The following EBF1 variants were observed in gnomAD, a reference collection of about 807,000 sequenced individuals.
EBF1 encodes EBF transcription factor 1.
EBF1 carries 10 observed loss-of-function variants against 68.4 expected under a neutral mutation model. The observed-to-expected ratio is 0.15, with a 90% CI of 0.09 to 0.25. The LOEUF is 0.25. EBF1 is among the 10% of genes least tolerant of loss of function. The pLI is 1.00. For synonymous variants in EBF1, 298 were observed against 299.8 expected, an observed-to-expected ratio of 0.99 and a Z score of 0.06; for missense variants, 509 against 794.4, an observed-to-expected ratio of 0.64 and a Z score of 4.32.
chr5:158,956,980 G>A (rs764085697), intron 6 of EBF1, among the ~76,000 whole-genome samples: 17 of 152,038 alleles, frequency 1.1e-4, no homozygotes, highest in South Asian at 2.1e-4. Flanking sequence ...AGATGGTCTC[G>A]ATCTCCTGAC....
At chr5:158,943,485 TTGTGATATATATTATACG>T (rs905147226) in intron 6 of EBF1, among the ~76,000 whole-genome samples, 1 of 152,140 alleles carries the variant, frequency 6.6e-6, no homozygotes, top group African/African-American at 2.4e-5. Flanking sequence ...TTAATTCCAG[TTGTGATATATATTATACG>T]TGGCATCCAT....
At chr5:159,076,647 A>C (rs1232086190) in intron 5 of EBF1, among the ~76,000 whole-genome samples, 1 of 152,256 alleles carries the variant, frequency 6.6e-6, no homozygotes, top group Non-Finnish European at 1.5e-5. Context: ...CTTTAGGCCA[A>C]GTATGAAAAA....
At chr5:158,740,513 A>T (rs1385654446) in intron 10 of EBF1, among the ~76,000 whole-genome samples, 2 of 152,222 alleles carry the variant, frequency 1.3e-5, no homozygotes, top group African/African-American at 2.4e-5. Context: ...AAGTGACTCC[A>T]AATCATCCAC....
At chr5:159,098,607 A>C (rs1369950002) in intron 1 of EBF1, among the ~76,000 whole-genome samples, 1 of 151,658 alleles carries the variant, frequency 6.6e-6, no homozygotes, top group Non-Finnish European at 1.5e-5. Flanking sequence ...AAATGGAGAG[A>C]GGAAGGGAGG....
intron 11 of EBF1, among the ~76,000 whole-genome samples, chr5:158,717,233 C>G (rs1316006759): frequency 6.6e-6 from 1 of 152,096 alleles, no homozygotes; most frequent in Admixed American, 6.5e-5. Flanking sequence ...TCTGTGGTCA[C>G]AAGTGTAATT....
At chr5:159,016,299 A>G (rs1765607819) in intron 6 of EBF1, among the ~76,000 whole-genome samples, 1 of 152,224 alleles carries the variant, frequency 6.6e-6, no homozygotes, top group Non-Finnish European at 1.5e-5. Context: ...GCTGAAGAGA[A>G]GAACTTGGCC....
chr5:158,886,785 G>A (rs765978891), intron 6 of EBF1, among the ~76,000 whole-genome samples: 1 of 152,232 alleles, frequency 6.6e-6, no homozygotes, highest in Non-Finnish European at 1.5e-5. Flanking sequence ...GCCAAGGCAG[G>A]CAGACCACCT....
In EBF1 at chr5:158,696,655, CATT is replaced by C. The variant is rs1755805601; in HGVS notation, c.*2453_*2455del. On this transcript the variant is annotated 3_prime_UTR_variant, in exon 16 of 16. Coordinates refer to ENST00000313708, the MANE Select transcript of EBF1 (RefSeq NM_024007.5). ...AGTTTTTTTTATTATTATTAGTCAT[CATT>C]ATTATTTCTCACCATGAAAAACAGC... is the stretch of plus-strand genomic sequence containing the variant. The C allele has an allele frequency of 4.7e-6, 1 of 211,694 alleles. No homozygotes were observed. The highest frequency in any genetic ancestry group is 9.6e-6 in the Non-Finnish European group (1 of 104,442). 13.1% of individuals were successfully genotyped at this position (211,694 alleles called of 1,614,324 possible).
chr5:158,959,897 C>A (rs975449331), intron 6 of EBF1, among the ~76,000 whole-genome samples: 3 of 152,104 alleles, frequency 2.0e-5, no homozygotes, highest in African/African-American at 7.2e-5. Flanking sequence ...GTAAGAGAAT[C>A]AAACTAGATC....
At chr5:159,058,440 C>T (rs1291745423) in intron 6 of EBF1, among the ~76,000 whole-genome samples, 1 of 152,194 alleles carries the variant, frequency 6.6e-6, no homozygotes, top group South Asian at 2.1e-4. Flanking sequence ...GGGGAATTGT[C>T]CAGTCCACCC....
In EBF1 at chr5:158,872,098, A is replaced by C. The variant is rs144091494; in HGVS notation, c.555-31988T>G. On this transcript the variant is annotated intron_variant, in intron 6 of 15. Transcript: ENST00000313708. ...AAACAGACACTAATAAGTAGTCAGG[A>C]GAGATGCAGTCATCCCAACCCCATG... Among the ~76,000 whole-genome samples, 528 of 152,336 alleles carry C rather than the reference A, an allele frequency of 3.5e-3. 5 individuals carry two copies. Among genetic ancestry groups the C allele is most frequent in the African/African-American group, 0.012 (506 of 41,584 alleles).
At chr5:158,761,410 C>A (rs1042131136) in intron 10 of EBF1, among the ~76,000 whole-genome samples, 1 of 152,218 alleles carries the variant, frequency 6.6e-6, no homozygotes, top group South Asian at 2.1e-4. Context: ...TCCCCGAGTT[C>A]CGGGATGACT....
intron 14 of EBF1, among the ~76,000 whole-genome samples, chr5:158,709,201 C>T (rs1318736480): frequency 6.6e-6 from 1 of 152,164 alleles, no homozygotes; most frequent in Non-Finnish European, 1.5e-5. Context: ...GATATTTCTT[C>T]TATGTTATTA....
At chr5:158,791,604 A>G (rs1221486689) in intron 9 of EBF1, among the ~76,000 whole-genome samples, 41 of 151,958 alleles carry the variant, frequency 2.7e-4, no homozygotes, top group Admixed American at 2.7e-3. Context: ...GACAGCTTAA[A>G]TACTCTAAAT....
intron 9 of EBF1, among the ~76,000 whole-genome samples, chr5:158,795,396 T>C (rs548347591): frequency 5.2e-4 from 79 of 152,298 alleles, no homozygotes; most frequent in African/African-American, 1.9e-3. Context: ...CCTCGTAGTG[T>C]AGAAAGAAGG....
At chr5:158,890,653 C>T (rs1451935403) in intron 6 of EBF1, among the ~76,000 whole-genome samples, 1 of 152,174 alleles carries the variant, frequency 6.6e-6, no homozygotes, top group East Asian at 1.9e-4. Context: ...ATTTTGTCTG[C>T]TGCCTTTGTT....
chr5:158,941,330 C>A (rs1256735582), intron 6 of EBF1: 1 of 447,034 alleles, frequency 2.2e-6, no homozygotes, highest in East Asian at 7.0e-5. Flanking sequence ...ATTCTTGTAG[C>A]AAGAACCCAG....
chr5:158,898,142 A>T (rs1046288335), intron 6 of EBF1, among the ~76,000 whole-genome samples: 6 of 152,170 alleles, frequency 3.9e-5, no homozygotes, highest in Non-Finnish European at 8.8e-5. Flanking sequence ...CATTTTTTTT[A>T]AATATCAAAA....
intron 6 of EBF1, among the ~76,000 whole-genome samples, chr5:158,969,093 G>A (rs1452401099): frequency 6.6e-6 from 1 of 152,146 alleles, no homozygotes; most frequent in Non-Finnish European, 1.5e-5. Flanking sequence ...CTTGAGGTCA[G>A]GAGTTCGAGA....
Sources: gnomAD v4.1 joint callset for allele counts (sites outside exome capture counted in the v4.1 genomes callset) on GRCh38, gnomAD v4.1.1 for gene constraint, MANE v1.5 for transcripts, NCBI Gene and HGNC (gene_info 2026-07-23, HGNC 2026-07-21) for gene names.